TAOK1: variants seen among roughly 807,000 people sequenced by gnomAD.
The protein encoded by TAOK1 is TAO kinase 1, also known as serine/threonine-protein kinase TAO1.
Under a neutral mutation model 138.3 loss-of-function variants are expected in TAOK1, and 21 were observed. The observed-to-expected ratio is 0.15, with a 90% CI of 0.11 to 0.22. The LOEUF (loss-of-function observed/expected upper bound fraction) is 0.22, where lower values mean the gene tolerates loss of function less well. TAOK1 is among the 10% of genes least tolerant of loss of function. The pLI is 1.00. For missense variants in TAOK1, 651 were observed against 1,227.7 expected, an observed-to-expected ratio of 0.53 and a Z score of 7.02; for synonymous variants, 361 against 398.4, an observed-to-expected ratio of 0.91 and a Z score of 1.12.
intron 7 of TAOK1, 136 bp from the exon 8 acceptor site, chr17:29,482,061 G>A (rs990787677): frequency 1.9e-5 from 11 of 591,008 alleles, no homozygotes; most frequent in East Asian, 8.6e-5. Context: ...CTTAGTTCCC[G>A]TTATAAAAAT....
intron 3 of TAOK1, among the ~76,000 whole-genome samples, chr17:29,473,120 C>T (rs1052791809): frequency 6.6e-6 from 1 of 152,192 alleles, no homozygotes; most frequent in African/African-American, 2.4e-5. Context: ...GATGTACTGT[C>T]ATCCAGGCTT....
chr17:29,528,817 G>T, intron 17 of TAOK1, among the ~76,000 whole-genome samples: 1 of 111,034 alleles, frequency 9.0e-6, no homozygotes, highest in African/African-American at 3.8e-5. Flanking sequence ...TCCAGCCTGA[G>T]CAACAGAATG....
At chr17:29,502,447 C>A in intron 12 of TAOK1, 142 bp from the exon 13 acceptor site, 1 of 897,122 alleles carries the variant, frequency 1.1e-6, no homozygotes, top group Non-Finnish European at 1.6e-6. Context: ...AAAAGAAGAC[C>A]AGCATTTCTA....
intron 1 of TAOK1, among the ~76,000 whole-genome samples, chr17:29,435,945 A>G (rs925201910): frequency 6.6e-6 from 1 of 152,200 alleles, no homozygotes; most frequent in Admixed American, 6.5e-5. Flanking sequence ...CCTGGCCAAC[A>G]TGGTGAAACC....
chr17:29,430,209 G>A (rs1905780821), intron 1 of TAOK1, among the ~76,000 whole-genome samples: 1 of 152,196 alleles, frequency 6.6e-6, no homozygotes, highest in East Asian at 1.9e-4. Flanking sequence ...GAAAATGAAA[G>A]TACACTCCAC....
chr17:29,467,575 A>G (rs945349898), intron 3 of TAOK1, among the ~76,000 whole-genome samples: 1 of 151,884 alleles, frequency 6.6e-6, no homozygotes, highest in African/African-American at 2.4e-5. Context: ...CCCGGCCAAT[A>G]TATACATTCT....
rs1483189136 is a variant in TAOK1, at chr17:29,542,817, G to T, written c.2801G>T (p.Gly934Val). The T allele has an allele frequency of 1.9e-6, 3 of 1,613,968 alleles. No homozygotes were observed. Reference protein sequence around the residue: ...HPMGGPPQAWGHPMQGGPQPW... With the variant: ...HPMGGPPQAWVHPMQGGPQPW... ...ATGGGTGGCCCACCACAAGCTTGGGGCCATCCAATGCAAGGTGGACCCCAG... is the reference window on the plus strand; with the variant it reads ...ATGGGTGGCCCACCACAAGCTTGGGTCCATCCAATGCAAGGTGGACCCCAG... The change falls in exon 20 of 20, where the codon GGC (glycine) becomes GTC (valine). Residue 934 changes from glycine to valine, a missense_variant. Gly to Val is a moderately radical substitution (Grantham distance 109, BLOSUM62 -3). Coordinates refer to ENST00000261716, the MANE Select transcript of TAOK1 (RefSeq NM_020791.4).
chr17:29,430,421 A>C (rs2153022570), intron 1 of TAOK1, among the ~76,000 whole-genome samples: 1 of 152,332 alleles, frequency 6.6e-6, no homozygotes, highest in Non-Finnish European at 1.5e-5. Flanking sequence ...ACTCCTGTGC[A>C]AACATCCGAT....
chr17:29,493,182 G>A (rs1172181091), intron 10 of TAOK1, among the ~76,000 whole-genome samples: 1 of 151,252 alleles, frequency 6.6e-6, no homozygotes, highest in Non-Finnish European at 1.5e-5. Flanking sequence ...GTAAATAGTG[G>A]TACACATCAA....
rs1567747434 is a variant in TAOK1, at chr17:29,533,005, A to AGGGCGGTTGG, written c.2362-1113_2362-1112insGGGCGGTTGG. ...CAGGGGGCTGACCCCCCCACCTCCA[A>AGGGCGGTTGG]CCGGGCGGGGGGCTGACCCCCACCT... On this transcript the variant is annotated intron_variant, in intron 18 of 19. Coordinates refer to ENST00000261716, the MANE Select transcript of TAOK1 (RefSeq NM_020791.4). Among the ~76,000 whole-genome samples, 7 of 68,528 alleles carry AGGGCGGTTGG rather than the reference A, an allele frequency of 1.0e-4. 1 individual carries two copies. Among genetic ancestry groups the AGGGCGGTTGG allele is most frequent in the African/African-American group, 4.0e-4 (7 of 17,516 alleles). 45.0% of individuals were successfully genotyped at this position (68,528 alleles called of 152,430 possible).
At chr17:29,437,960 C>T (rs1906090302) in intron 1 of TAOK1, among the ~76,000 whole-genome samples, 1 of 152,074 alleles carries the variant, frequency 6.6e-6, no homozygotes, top group Non-Finnish European at 1.5e-5. Context: ...TCTCGGCCTC[C>T]TGACCTTGTG....
chr17:29,533,416 G>A (rs536344855), intron 18 of TAOK1, among the ~76,000 whole-genome samples: 214 of 152,064 alleles, frequency 1.4e-3, no homozygotes, highest in African/African-American at 4.9e-3. Context: ...GGGCAGAGAC[G>A]CTCCTCACTT....
chr17:29,491,471 G>A (rs2031294415), intron 9 of TAOK1, among the ~76,000 whole-genome samples: 1 of 151,858 alleles, frequency 6.6e-6, no homozygotes, highest in Admixed American at 6.6e-5. Context: ...TGTTATCTTG[G>A]GTTTGAAAGA....
At chr17:29,422,114 G>C (rs572657082) in intron 1 of TAOK1, among the ~76,000 whole-genome samples, 2 of 152,080 alleles carry the variant, frequency 1.3e-5, no homozygotes, top group East Asian at 3.9e-4. Flanking sequence ...AGCCAGGATG[G>C]TCTCAATCTC....
intron 1 of TAOK1, among the ~76,000 whole-genome samples, chr17:29,428,293 A>G (rs1452518068): frequency 3.3e-5 from 5 of 152,226 alleles, no homozygotes; most frequent in Non-Finnish European, 5.9e-5. Context: ...ACTAAAGAGA[A>G]TAAGACTAGA....
intron 1 of TAOK1, among the ~76,000 whole-genome samples, chr17:29,436,218 C>T (rs1351614326): frequency 6.6e-6 from 1 of 152,066 alleles, no homozygotes; most frequent in Non-Finnish European, 1.5e-5. Context: ...TTTAGAGGCA[C>T]CAGGCGGAGA....
intron 14 of TAOK1, among the ~76,000 whole-genome samples, chr17:29,509,900 T>C (rs2031690934): frequency 6.6e-6 from 1 of 151,214 alleles, no homozygotes. Flanking sequence ...AACATATTTT[T>C]TGAGACAGGC....
intron 1 of TAOK1, among the ~76,000 whole-genome samples, chr17:29,401,448 C>T (rs896437773): frequency 5.3e-5 from 8 of 152,014 alleles, no homozygotes; most frequent in Admixed American, 1.3e-4. Flanking sequence ...TGTGTGGACA[C>T]GCAAGCGAGT....
At chr17:29,496,650 C>A (rs558105159) in intron 11 of TAOK1, among the ~76,000 whole-genome samples, 1 of 136,968 alleles carries the variant, frequency 7.3e-6, no homozygotes, top group South Asian at 2.3e-4. Context: ...TACAGTGGCA[C>A]GATCTCGGCT....
Sources: gnomAD v4.1 joint callset for allele counts (sites outside exome capture counted in the v4.1 genomes callset) on GRCh38, gnomAD v4.1.1 for gene constraint, MANE v1.5 for transcripts, NCBI Gene and HGNC (gene_info 2026-07-23, HGNC 2026-07-21) for gene names.